The following THOC1 variants were observed in gnomAD, a reference collection of about 807,000 sequenced individuals.
THOC1 encodes THO complex 1.
In THOC1, 29 loss-of-function variants were observed where a neutral mutation model predicts 97.3. That is an observed-to-expected ratio of 0.30 (90% CI 0.22 to 0.41). The LOEUF (loss-of-function observed/expected upper bound fraction) is 0.41, where lower values mean the gene tolerates loss of function less well. Ranked by LOEUF, THOC1 falls within the 10% of genes least tolerant of loss-of-function variation. The probability of loss-of-function intolerance (pLI) is 1.00; values close to 1 mark genes in which losing one functional copy is unlikely to be tolerated. For synonymous variants in THOC1, 255 were observed against 257.0 expected (o/e 0.99, Z 0.07); for missense variants, 529 against 761.9 (o/e 0.69, Z 3.60).
rs1002945631 is a variant in THOC1 at position 216,779 on chromosome 18, T to C, written c.1455-146A>G. Reference sequence around the variant, plus strand: ...ATTTGAATCTTATTCCTAAAGAACTTTTCAGTATGTAGTCCACTGATAATA... The same window carrying C: ...ATTTGAATCTTATTCCTAAAGAACTCTTCAGTATGTAGTCCACTGATAATA... On this transcript the variant is annotated intron_variant, in intron 18 of 20. Transcript: ENST00000261600. 3.5e-6 allele frequency: 4 copies of C among 1,131,914 alleles called. No individual in the cohort carries two copies. In the African/African-American group the frequency reaches 6.3e-5, roughly 18 times the overall value. The allele number at this position is 1,131,914 out of a possible 1,614,324, so 70.1% of individuals were successfully genotyped here.
intron 5 of THOC1, 81 bp downstream of exon 5, chr18:260,105 A>AT: frequency 3.2e-5 from 29 of 913,896 alleles, no homozygotes; most frequent in South Asian, 5.0e-5. Context: ...CTACAAATAA[A>AT]TTTAAAAAAA....
intron 8 of THOC1, among the ~76,000 whole-genome samples, chr18:252,831 C>G (rs1454974210): frequency 6.6e-6 from 1 of 152,108 alleles, no homozygotes; most frequent in Non-Finnish European, 1.5e-5. Flanking sequence ...ATAACACAGT[C>G]ATGAAGACAG....
At chr18:256,643 G>A (rs894569580) in intron 7 of THOC1, among the ~76,000 whole-genome samples, 10 of 152,190 alleles carry the variant, frequency 6.6e-5, no homozygotes, top group South Asian at 4.1e-4. Flanking sequence ...CTGTTGCCCA[G>A]GCTGAAGTGC....
At chr18:234,023 T>C (rs1332925011) in intron 11 of THOC1, among the ~76,000 whole-genome samples, 1 of 152,242 alleles carries the variant, frequency 6.6e-6, no homozygotes, top group African/African-American at 2.4e-5. Context: ...TGCTCCATTT[T>C]TGTAATGTTT....
chr18:241,260 A>G (rs766927905), intron 11 of THOC1, among the ~76,000 whole-genome samples: 9 of 152,188 alleles, frequency 5.9e-5, no homozygotes, highest in Non-Finnish European at 8.8e-5. Context: ...AGGCTATAGT[A>G]TATCTTATAA....
At chr18:229,616 G>A (rs117442315) in intron 11 of THOC1, among the ~76,000 whole-genome samples, 4,782 of 152,276 alleles carry the variant, frequency 0.031, 112 homozygotes, top group South Asian at 0.048. Flanking sequence ...CTGGGAGGCG[G>A]AGGTTGCAAT....
At chr18:227,389 G>A (rs1048649923) in intron 11 of THOC1, among the ~76,000 whole-genome samples, 9 of 152,098 alleles carry the variant, frequency 5.9e-5, no homozygotes, top group African/African-American at 1.4e-4. Flanking sequence ...GGCTAAAGAA[G>A]ATACGGATAA....
chr18:248,131 T>C (rs1341257174), intron 9 of THOC1, among the ~76,000 whole-genome samples, 174 bp from the exon 10 acceptor site: 2 of 152,020 alleles, frequency 1.3e-5, no homozygotes, highest in African/African-American at 4.8e-5. Flanking sequence ...AGGGAACTCA[T>C]AGACCCCAAT....
chr18:248,699 C>G (rs1912174589), intron 9 of THOC1, among the ~76,000 whole-genome samples: 1 of 152,000 alleles, frequency 6.6e-6, no homozygotes, highest in African/African-American at 2.4e-5. Flanking sequence ...ACTACTAATT[C>G]AACTTCTAAT....
intron 19 of THOC1, 25 bp from the exon 20 acceptor site, chr18:215,529 T>C: frequency 1.9e-6 from 3 of 1,578,686 alleles, no homozygotes; most frequent in Non-Finnish European, 2.6e-6. Flanking sequence ...GAAGAATGTT[T>C]GAAAGAATGC....
chr18:249,113 A>T (rs951405032), intron 9 of THOC1, among the ~76,000 whole-genome samples: 1 of 152,180 alleles, frequency 6.6e-6, no homozygotes, highest in Non-Finnish European at 1.5e-5. Context: ...GCACGTGAAA[A>T]TCAACAGTGA....
intron 11 of THOC1, among the ~76,000 whole-genome samples, chr18:233,256 A>T (rs1026655809): frequency 6.6e-6 from 1 of 152,176 alleles, no homozygotes; most frequent in Non-Finnish European, 1.5e-5. Context: ...CTGAATTTTA[A>T]TTTTTCCATA....
Position 265,462 on chromosome 18 carries a change from A to G in THOC1, c.123T>C (p.Pro41=), listed in dbSNP as rs1438293675. The G allele has an allele frequency of 1.9e-6, 3 of 1,598,634 alleles. No homozygotes were observed. The highest frequency in any genetic ancestry group is 1.7e-6 in the Non-Finnish European group (2 of 1,172,332). ...CATAGATATCAATGCCTTACCTGCC[A>G]GGTACCTGGCTGAAGGTACTTAACA... ...KPLLSTFSQV[P]GSENEKKCTL... The change falls in exon 2 of 21, where the codon CCT becomes CCC. Residue 41 remains proline (P), a synonymous_variant. Coordinates refer to ENST00000261600, the MANE Select transcript of THOC1 (RefSeq NM_005131.3).
intron 9 of THOC1, among the ~76,000 whole-genome samples, chr18:250,187 C>T (rs563154903): frequency 6.6e-6 from 1 of 152,284 alleles, no homozygotes; most frequent in African/African-American, 2.4e-5. Flanking sequence ...GCAGTTTTTA[C>T]AGTTGAGGCA....
rs527384604 is a variant in THOC1, at chr18:242,533, C to T, written c.918+3791G>A. Reference sequence around the variant, plus strand: ...GTCTGACCAGATTCATGTAACAAAACACAATGCTTCTGGATAATATTCCCA... The same window carrying T: ...GTCTGACCAGATTCATGTAACAAAATACAATGCTTCTGGATAATATTCCCA... On this transcript the variant is annotated intron_variant, in intron 11 of 20. Transcript: ENST00000261600. This position sits in a 1 kb window ranked among gnomAD's most constrained non-coding sequence, Gnocchi z 4.5. Among the ~76,000 whole-genome samples, 1 of 152,016 alleles carries T rather than the reference C, an allele frequency of 6.6e-6. No individual in the cohort carries two copies. The highest frequency in any genetic ancestry group is 2.1e-4 in the South Asian group (1 of 4,816).
At chr18:221,796 G>T (rs1450460433) in intron 17 of THOC1, among the ~76,000 whole-genome samples, 1 of 151,978 alleles carries the variant, frequency 6.6e-6, no homozygotes, top group Non-Finnish European at 1.5e-5. Context: ...TTTTAGTAGA[G>T]ACGGGGTTTC....
At chr18:266,624 G>A (rs1458343223) in intron 1 of THOC1, among the ~76,000 whole-genome samples, 4 of 146,856 alleles carry the variant, frequency 2.7e-5, no homozygotes, top group Non-Finnish European at 5.9e-5. Context: ...TGCAACCTCC[G>A]CTGTCCGGGT....
intron 1 of THOC1, among the ~76,000 whole-genome samples, chr18:267,021 A>G (rs201997302): frequency 7.0e-4 from 8 of 11,444 alleles, no homozygotes; most frequent in East Asian, 1.6e-3. Flanking sequence ...ATATATATGT[A>G]TATATATATA....
At chr18:256,375 T>C (rs903246090) in intron 7 of THOC1, among the ~76,000 whole-genome samples, 1 of 152,190 alleles carries the variant, frequency 6.6e-6, no homozygotes, top group Non-Finnish European at 1.5e-5. Context: ...TTCGAGGGGT[T>C]CAAGACTTCA....
Sources: gnomAD v4.1 joint callset for allele counts (sites outside exome capture counted in the v4.1 genomes callset) on GRCh38, gnomAD v4.1.1 for gene constraint, Gnocchi (gnomAD v3.1) non-coding constraint, MANE v1.5 for transcripts, NCBI Gene and HGNC (gene_info 2026-07-23, HGNC 2026-07-21) for gene names.